The following LYAR variants were observed in gnomAD, a reference collection of about 807,000 sequenced individuals.
LYAR encodes the protein Ly1 antibody reactive, also known as cell growth-regulating nucleolar protein.
LYAR carries 37 observed loss-of-function variants against 45.2 expected under a neutral mutation model. That is an observed-to-expected ratio of 0.82 (90% CI 0.63 to 1.08). LYAR has a LOEUF of 1.08. Among genes scored for constraint, LYAR ranks in the 50% least tolerant of loss-of-function variants. The probability of loss-of-function intolerance (pLI) is 0.00; values close to 1 mark genes in which losing one functional copy is unlikely to be tolerated. For synonymous variants in LYAR, 176 were observed against 155.1 expected (o/e 1.14, Z -1.00); for missense variants, 493 against 451.0 (o/e 1.09, Z -0.84).
chr4:4,278,703 G>A (rs571723878), intron 6 of LYAR, among the ~76,000 whole-genome samples: 98 of 152,248 alleles, frequency 6.4e-4, no homozygotes, highest in African/African-American at 2.1e-3. Flanking sequence ...ACTCAGTTAA[G>A]TATTAAATAA....
chr4:4,269,552 C>T (rs947385897), intron 8 of LYAR, among the ~76,000 whole-genome samples: 1 of 152,168 alleles, frequency 6.6e-6, no homozygotes, highest in Non-Finnish European at 1.5e-5. Flanking sequence ...GCACCAGGAG[C>T]CCTGCCCGGC....
Position 4,279,453 on chromosome 4 carries a change from G to A in LYAR, c.423C>T (p.Ser141=). 4.4e-6 allele frequency: 7 copies of A among 1,606,172 alleles called. No homozygotes were observed. Among genetic ancestry groups the A allele is most frequent in the Non-Finnish European group, 6.0e-6 (7 of 1,173,374 alleles). The change falls in exon 6 of 10, where the codon TCC becomes TCT. Residue 141 remains serine (S), a synonymous_variant. Coordinates refer to ENST00000343470, the MANE Select transcript of LYAR (RefSeq NM_017816.3). ...AAAATCAGATCTGACTTACGCTGTT[G>A]GAAGCTTCAGAAAAGATATTCCACA... ...DQVWNIFSEA[S]NSEPVNKEQD...
In LYAR at chr4:4,282,162, A is replaced by AT. The variant is rs200127328; in HGVS notation, c.123-266dup. Among the ~76,000 whole-genome samples the AT allele has an allele frequency of 5.6e-3, 858 of 152,296 alleles. 6 individuals carry two copies. The highest frequency in any genetic ancestry group is 0.02 in the African/African-American group (813 of 41,550). Reference sequence around the variant, plus strand: ...ACCTTAAGCTAAATTGATAGGCAGTATTTTTTTAAGTCATAAGTGTACATA... The same window carrying AT: ...ACCTTAAGCTAAATTGATAGGCAGTATTTTTTTTAAGTCATAAGTGTACATA... On this transcript the variant is annotated intron_variant, in intron 3 of 9. Coordinates refer to ENST00000343470, the MANE Select transcript of LYAR (RefSeq NM_017816.3).
chr4:4,279,669 G>A lies in LYAR; in HGVS notation c.318C>T (p.Asn106=). 4 of 1,613,900 alleles carry A rather than the reference G, an allele frequency of 2.5e-6. No homozygotes were observed. The highest frequency in any genetic ancestry group is 2.2e-5 in the East Asian group (1 of 44,874). Residue 106 remains asparagine, a synonymous_variant, in exon 5 of 10, where the codon AAC becomes AAT. Coordinates refer to ENST00000343470, the MANE Select transcript of LYAR (RefSeq NM_017816.3). ...GAAATTTTGCCTTTTTCCTGGGAAC[G>A]TTGTCAAAAGCACTAATTTGCTCTA... The part of the protein sequence containing the change: ...ELLEQISAFD[N]VPRKKAKFQN...
intron 9 of LYAR, 26 bp downstream of exon 9, chr4:4,268,504 C>A (rs930459195): frequency 4.9e-6 from 7 of 1,428,160 alleles, no homozygotes; most frequent in Admixed American, 1.9e-5. Context: ...AGCTGTTAGA[C>A]ACGTGGGTTT....
chr4:4,270,794 T>C (rs1298606851), intron 8 of LYAR, among the ~76,000 whole-genome samples: 2 of 152,194 alleles, frequency 1.3e-5, no homozygotes, highest in Non-Finnish European at 2.9e-5. Context: ...TTGACCATGA[T>C]GTGGAGAAAC....
At chr4:4,269,370 C>T (rs889896598) in intron 8 of LYAR, among the ~76,000 whole-genome samples, 14 of 152,184 alleles carry the variant, frequency 9.2e-5, no homozygotes, top group African/African-American at 2.9e-4. Context: ...ACAGAAAAAA[C>T]GGTGGCTCCA....
At chr4:4,288,425 G>A (rs1326803704) in intron 1 of LYAR, among the ~76,000 whole-genome samples, 2 of 151,486 alleles carry the variant, frequency 1.3e-5, no homozygotes, top group Non-Finnish European at 2.9e-5. Flanking sequence ...TCTGAGATTG[G>A]AATGATTTTT....
In LYAR at chr4:4,274,459, T is replaced by G; in HGVS notation, c.740A>C (p.Lys247Thr). ...EVPEANGSAG[K>T]RSKKKKQRKD... ...GCGCTGCTTCTTCTTCTTGCTCCTCTTCCCTGCAGAGCCATTGGCCTCAGG... is the reference window on the plus strand; with the variant it reads ...GCGCTGCTTCTTCTTCTTGCTCCTCGTCCCTGCAGAGCCATTGGCCTCAGG... The change falls in exon 7 of 10, where the codon AAG becomes ACG. Residue 247 changes from lysine to threonine, a missense_variant. Lys to Thr is a moderately conservative substitution (Grantham distance 78, BLOSUM62 -1). Transcript: ENST00000343470. The G allele has an allele frequency of 6.2e-7, 1 of 1,614,144 alleles. No homozygotes were observed. The highest frequency in any genetic ancestry group is 8.5e-7 in the Non-Finnish European group (1 of 1,180,026).
chr4:4,273,098 G>T (rs1719007668), intron 8 of LYAR, among the ~76,000 whole-genome samples: 1 of 152,214 alleles, frequency 6.6e-6, no homozygotes, highest in South Asian at 2.1e-4. Flanking sequence ...AGAGAACAGT[G>T]AAAGGCAGGG....
Position 4,279,492 on chromosome 4 carries a change from G to A in LYAR, c.384C>T (p.Ser128=). The A allele has an allele frequency of 1.2e-6, 2 of 1,612,942 alleles. No homozygotes were observed. Among genetic ancestry groups the A allele is most frequent in the Non-Finnish European group, 1.7e-6 (2 of 1,178,974 alleles). Residue 128 remains serine, a synonymous_variant, in exon 6 of 10, where the codon TCC becomes TCT. Transcript: ENST00000343470. ...AGATATTCCACACCTGGTCCAGAAT[G>A]GATTCATTATGAACTTTTAAACTGT... ...MKNSLKVHNE[S]ILDQVWNIFS...
At chr4:4,280,650 G>A (rs1247432392) in intron 4 of LYAR, among the ~76,000 whole-genome samples, 5 of 152,288 alleles carry the variant, frequency 3.3e-5, no homozygotes, top group Non-Finnish European at 5.9e-5. Context: ...GTCTAGGAAC[G>A]TCATCTGGTT....
intron 8 of LYAR, 37 bp from the exon 9 acceptor site, chr4:4,268,652 T>C (rs1311487206): frequency 7.2e-7 from 1 of 1,383,364 alleles, no homozygotes; most frequent in Admixed American, 1.8e-5. Context: ...ACATTTCGTT[T>C]TGTTGTACTA....
rs190053403 is a variant in LYAR, at chr4:4,273,653, C to T, written c.849G>A (p.Lys283=). 314 of 1,611,274 alleles carry T rather than the reference C, an allele frequency of 1.9e-4. 2 individuals carry two copies. In the Admixed American group the frequency reaches 5.1e-3, roughly 26 times the overall value. ...RRHSEVETDS[K]KKKMKLPEHP... ...GCTCTGGGAGCTTCATCTTTTTCTT[C>T]TTAGAATCTGTTTCAACTAAGTATT... is the stretch of plus-strand genomic sequence containing the variant. Residue 283 remains lysine (K), a synonymous_variant, in exon 8 of 10, where the codon AAG becomes AAA. Transcript: ENST00000343470.
At chr4:4,268,642 A>T (rs779835895) in intron 8 of LYAR, 27 bp from the exon 9 acceptor site, 18 of 1,458,386 alleles carry the variant, frequency 1.2e-5, no homozygotes, top group Non-Finnish European at 1.5e-5. Flanking sequence ...AATATTTAAG[A>T]CATTTCGTTT....
chr4:4,268,990 A>G lies in LYAR; in HGVS notation c.920-375T>C, dbSNP rs527833647. 3 of 165,576 alleles carry G rather than the reference A, an allele frequency of 1.8e-5. No homozygotes were observed. In the South Asian group the frequency reaches 5.5e-4, roughly 30 times the overall value. 10.3% of individuals were successfully genotyped at this position (165,576 alleles called of 1,614,324 possible). On this transcript the variant is annotated intron_variant, in intron 8 of 9. Coordinates refer to ENST00000343470, the MANE Select transcript of LYAR (RefSeq NM_017816.3). ...CTGAAATGAGAGAGAGGACAACCAC[A>G]AACTATTATAGAGGAACTAAAAATA...
At chr4:4,281,966 G>T in intron 3 of LYAR, 69 bp from the exon 4 acceptor site, 1 of 913,716 alleles carries the variant, frequency 1.1e-6, no homozygotes, top group Non-Finnish European at 1.8e-6. Flanking sequence ...CCAGCATGCT[G>T]CCACTATCTT....
intron 8 of LYAR, among the ~76,000 whole-genome samples, chr4:4,272,878 G>T (rs7671748): frequency 6.6e-6 from 1 of 151,982 alleles, no homozygotes; most frequent in African/African-American, 2.4e-5. Context: ...CTGGGGGTTG[G>T]GGGAGGTGGC....
chr4:4,283,079 T>G (rs1252473859), intron 3 of LYAR, among the ~76,000 whole-genome samples: 1 of 152,190 alleles, frequency 6.6e-6, no homozygotes, highest in Middle Eastern at 3.2e-3. Context: ...CTGAACACTC[T>G]AATCATCATA....
Sources: allele counts gnomAD v4.1 joint callset (sites outside exome capture counted in the v4.1 genomes callset), GRCh38; gene constraint gnomAD v4.1.1; transcripts MANE v1.5; gene names NCBI Gene and HGNC (gene_info 2026-07-23, HGNC 2026-07-21).